Variants in CAST observed in about 807,000 individuals in gnomAD.
The protein encoded by CAST is calpastatin, also known as MIR583 host.
CAST carries 76 observed loss-of-function variants against 119.6 expected under a neutral mutation model. That is an observed-to-expected ratio of 0.64 (90% confidence interval 0.53 to 0.77). The LOEUF (loss-of-function observed/expected upper bound fraction) is 0.77, where lower values mean the gene tolerates loss of function less well. CAST is among the 30% of genes least tolerant of loss of function. The probability of loss-of-function intolerance (pLI) is 0.00; values close to 1 mark genes in which losing one functional copy is unlikely to be tolerated. For synonymous variants in CAST, 319 were observed against 331.6 expected (o/e 0.96, Z 0.41); for missense variants, 953 against 946.5 (o/e 1.01, Z -0.09).
chr5:96,347,397 T>C, the CAST span, among the ~76,000 whole-genome samples: 1 of 152,156 alleles, frequency 6.6e-6, no homozygotes, highest in African/African-American at 2.4e-5. Flanking sequence ...TGCTTATCCT[T>C]CCTTCAAGCC....
At chr5:96,169,818 G>A in the CAST span, among the ~76,000 whole-genome samples, 1 of 152,152 alleles carries the variant, frequency 6.6e-6, no homozygotes, top group Admixed American at 6.5e-5. Flanking sequence ...TGTAGCCCAG[G>A]AATAGTCAGG....
the CAST span, among the ~76,000 whole-genome samples, chr5:96,330,177 C>A: frequency 6.6e-6 from 1 of 152,090 alleles, no homozygotes; most frequent in Admixed American, 6.5e-5. Context: ...GATATTTGAC[C>A]ATTTTTTAAA....
chr5:96,324,110 C>G, the CAST span, among the ~76,000 whole-genome samples: 5 of 152,110 alleles, frequency 3.3e-5, no homozygotes, highest in Non-Finnish European at 7.4e-5. Context: ...AAAAAATAGC[C>G]CATATCTTAT....
At chr5:96,508,832 CAG>C in the CAST span, among the ~76,000 whole-genome samples, 1 of 152,134 alleles carries the variant, frequency 6.6e-6, no homozygotes, top group East Asian at 1.9e-4. Flanking sequence ...GTTAAGGGTG[CAG>C]ACTTATTAAC....
At chr5:96,098,573 A>T in the CAST span, among the ~76,000 whole-genome samples, 533 of 152,242 alleles carry the variant, frequency 3.5e-3, 2 homozygotes, top group African/African-American at 4.6e-3. Flanking sequence ...TATTTATTGG[A>T]TAGGGAATCC....
chr5:96,747,859 T>C (rs1226304498), intron 18 of CAST, among the ~76,000 whole-genome samples: 1 of 152,186 alleles, frequency 6.6e-6, no homozygotes, highest in Non-Finnish European at 1.5e-5. Flanking sequence ...GGTACTGTTA[T>C]TATTCCCATT....
intron 1 of CAST, among the ~76,000 whole-genome samples, chr5:96,589,635 G>T (rs554244776): frequency 4.5e-4 from 68 of 152,254 alleles, no homozygotes; most frequent in African/African-American, 1.5e-3. Flanking sequence ...AAAAGTTTTA[G>T]TTACAATTTG....
chr5:96,426,205 A>G, the CAST span, among the ~76,000 whole-genome samples: 1 of 152,188 alleles, frequency 6.6e-6, no homozygotes, highest in Non-Finnish European at 1.5e-5. Flanking sequence ...GTTACAGTGG[A>G]AGCAAAAGTT....
chr5:96,503,999 G>T, the CAST span, among the ~76,000 whole-genome samples: 17 of 152,264 alleles, frequency 1.1e-4, no homozygotes, highest in East Asian at 9.7e-4. Context: ...GACTCTCCAG[G>T]CTGCAGGGAG....
the CAST span, among the ~76,000 whole-genome samples, chr5:96,500,901 TG>T: frequency 6.6e-6 from 1 of 152,194 alleles, no homozygotes; most frequent in African/African-American, 2.4e-5. Flanking sequence ...TGTCAGATCA[TG>T]TTGACTACAA....
chr5:96,228,577 T>C, the CAST span, among the ~76,000 whole-genome samples: 1 of 152,206 alleles, frequency 6.6e-6, no homozygotes, highest in Non-Finnish European at 1.5e-5. Context: ...GCATTTGCAA[T>C]CCTTTTTGCT....
chr5:96,252,332 T>C, the CAST span, among the ~76,000 whole-genome samples: 1 of 152,190 alleles, frequency 6.6e-6, no homozygotes, highest in Non-Finnish European at 1.5e-5. Context: ...TTCGCTCATC[T>C]TTTTAATGAA....
At chr5:96,769,785 G>C (rs1330878071) in intron 29 of CAST, 2 of 149,790 alleles carry the variant, frequency 1.3e-5, no homozygotes, top group Non-Finnish European at 3.0e-5. Flanking sequence ...CTGTGTTTTT[G>C]AGCTTTTTCT....
chr5:95,965,646 G>GC, the CAST span, among the ~76,000 whole-genome samples: 1 of 152,140 alleles, frequency 6.6e-6, no homozygotes, highest in African/African-American at 2.4e-5. Context: ...GCTCCCTTGT[G>GC]CAATGGTTGT....
the CAST span, among the ~76,000 whole-genome samples, chr5:96,175,112 A>C: frequency 6.6e-6 from 1 of 152,174 alleles, no homozygotes. Context: ...TCTTATTTTT[A>C]TTATTGGTAT....
chr5:96,363,655 A>G, the CAST span, among the ~76,000 whole-genome samples: 1 of 152,062 alleles, frequency 6.6e-6, no homozygotes, highest in African/African-American at 2.4e-5. Context: ...TTGGTGTATA[A>G]GAATGCTTGT....
the CAST span, among the ~76,000 whole-genome samples, chr5:96,416,851 T>A: frequency 1.3e-5 from 2 of 152,214 alleles, no homozygotes; most frequent in African/African-American, 2.4e-5. Context: ...GAAAAATGCG[T>A]CTTCCAAACA....
At chr5:96,486,197 G>T in the CAST span, among the ~76,000 whole-genome samples, 1 of 152,158 alleles carries the variant, frequency 6.6e-6, no homozygotes, top group Non-Finnish European at 1.5e-5. Context: ...AGTGAGCAAG[G>T]TGTGGGGATG....
intron 1 of CAST, among the ~76,000 whole-genome samples, chr5:96,582,172 A>T (rs1746782057): frequency 6.6e-6 from 1 of 151,768 alleles, no homozygotes; most frequent in Admixed American, 6.6e-5. Flanking sequence ...AATTAGGCAG[A>T]GTGACCTTCT....
Sources: allele counts gnomAD v4.1 joint callset (sites outside exome capture counted in the v4.1 genomes callset), GRCh38; gene constraint gnomAD v4.1.1; transcripts MANE v1.5; gene names NCBI Gene and HGNC (gene_info 2026-07-23, HGNC 2026-07-21).